The following GREM2 variants were observed in gnomAD, a reference collection of about 807,000 sequenced individuals.
GREM2 encodes the protein gremlin 2, DAN family BMP antagonist.
GREM2 carries 11 observed loss-of-function variants against 14.2 expected under a neutral mutation model. That is an observed-to-expected ratio of 0.78 (90% CI 0.49 to 1.28). The LOEUF is 1.28. Among genes scored for constraint, GREM2 ranks in the 50% most tolerant of loss-of-function variants. The pLI is 0.00. For synonymous variants in GREM2, 98 were observed against 97.6 expected (o/e 1.00, Z -0.02); for missense variants, 210 against 218.5 (o/e 0.96, Z 0.24).
intron 1 of GREM2, among the ~76,000 whole-genome samples, chr1:240,552,455 C>G (rs1446424517): frequency 6.6e-6 from 1 of 152,060 alleles, no homozygotes; most frequent in African/African-American, 2.4e-5. Context: ...AATTAGCCAG[C>G]CATGGTGGTA....
At chr1:240,608,452 G>A (rs527496576) in intron 1 of GREM2, among the ~76,000 whole-genome samples, 4 of 152,254 alleles carry the variant, frequency 2.6e-5, no homozygotes, top group African/African-American at 4.8e-5. Context: ...ATTATCCAGG[G>A]TTCGTGTTAT....
intron 1 of GREM2, among the ~76,000 whole-genome samples, chr1:240,561,672 G>C (rs1461143253): frequency 6.8e-6 from 1 of 147,352 alleles, no homozygotes; most frequent in African/African-American, 2.5e-5. Flanking sequence ...TTTGTCATTA[G>C]TCACACAAAA....
Position 240,506,755 on chromosome 1 carries a change from A to G in GREM2, c.-1-13279T>C, listed in dbSNP as rs371325748. Among the ~76,000 whole-genome samples the G allele has an allele frequency of 1.4e-4, 22 of 152,354 alleles. No individual in the cohort carries two copies. The East Asian group carries it at 4.2e-3, about 29-fold the overall frequency. ...CACCTTCCTAAGGTTTGAGATACAA[A>G]GAAGAATAAGACATTGACTTCCTCC... On this transcript the variant is annotated intron_variant, in intron 1 of 1. Transcript: ENST00000318160.
chr1:240,568,632 G>C (rs1022725451), intron 1 of GREM2, among the ~76,000 whole-genome samples: 1 of 152,068 alleles, frequency 6.6e-6, no homozygotes, highest in African/African-American at 2.4e-5. Context: ...ATGAAAAACA[G>C]TATACCATGC....
chr1:240,576,982 T>A (rs1679384347), intron 1 of GREM2, among the ~76,000 whole-genome samples: 1 of 152,232 alleles, frequency 6.6e-6, no homozygotes, highest in African/African-American at 2.4e-5. Context: ...AAGTGCTACA[T>A]GGTGTTTCTT....
chr1:240,534,164 A>G (rs1213037537), intron 1 of GREM2, among the ~76,000 whole-genome samples: 2 of 152,218 alleles, frequency 1.3e-5, no homozygotes, highest in African/African-American at 4.8e-5. Context: ...ATGATGGACA[A>G]TTCAGGAAGA....
intron 1 of GREM2, among the ~76,000 whole-genome samples, chr1:240,597,286 G>A (rs1457465145): frequency 2.0e-5 from 3 of 152,240 alleles, no homozygotes; most frequent in Non-Finnish European, 4.4e-5. Flanking sequence ...AAGCAAATCA[G>A]CGGGGTATTT....
chr1:240,524,566 T>C (rs1678180732), intron 1 of GREM2, among the ~76,000 whole-genome samples: 1 of 152,212 alleles, frequency 6.6e-6, no homozygotes, highest in Non-Finnish European at 1.5e-5. Flanking sequence ...TAAGGTTGGG[T>C]TAATTGCTCA....
intron 1 of GREM2, among the ~76,000 whole-genome samples, chr1:240,510,117 C>T (rs151310382): frequency 0.023 from 3,451 of 152,204 alleles, 133 homozygotes; most frequent in African/African-American, 0.079. Flanking sequence ...CGCCTGTAAT[C>T]CCAGCACTTT....
chr1:240,505,921 A>G (rs1386871021), intron 1 of GREM2, among the ~76,000 whole-genome samples: 1 of 152,122 alleles, frequency 6.6e-6, no homozygotes, highest in African/African-American at 2.4e-5. Context: ...TAGTGGGTAT[A>G]AAATAGCAAT....
At chr1:240,603,593 A>G (rs1440315624) in intron 1 of GREM2, among the ~76,000 whole-genome samples, 1 of 151,766 alleles carries the variant, frequency 6.6e-6, no homozygotes, top group Non-Finnish European at 1.5e-5. Flanking sequence ...AAGGTGTTAG[A>G]AAGGTTGACA....
Position 240,542,807 on chromosome 1 carries a change from A to G in GREM2, c.-1-49331T>C, listed in dbSNP as rs10495471. 0.12 allele frequency among the ~76,000 whole-genome samples: 17,950 copies of G among 152,124 alleles called. 1,286 individuals carry two copies. Among genetic ancestry groups the G allele is most frequent in the East Asian group, 0.28 (1,441 of 5,150 alleles). On this transcript the variant is annotated intron_variant, in intron 1 of 1. Transcript: ENST00000318160. This position sits in a 1 kb window ranked among gnomAD's most constrained non-coding sequence, Gnocchi z 4.1. ...CTTTGCTATGCTTCTGATTTGAGAC[A>G]AAGATACTGTAATGTTTTGTGCTTG...
rs773200127 is a variant in GREM2 at position 240,543,000 on chromosome 1, G to A, written c.-1-49524C>T. Reference sequence around the variant, plus strand: ...TTGTGAAGCCTCTTACTTTCCTTCCGACCCATTGTCAAGATCCCACTAAAA... The same window carrying A: ...TTGTGAAGCCTCTTACTTTCCTTCCAACCCATTGTCAAGATCCCACTAAAA... On this transcript the variant is annotated intron_variant, in intron 1 of 1. Coordinates refer to ENST00000318160, the MANE Select transcript of GREM2 (RefSeq NM_022469.4). This position sits in a 1 kb window ranked among gnomAD's most constrained non-coding sequence, Gnocchi z 4.1. Among the ~76,000 whole-genome samples, 15 of 152,012 alleles carry A rather than the reference G, an allele frequency of 9.9e-5. No homozygotes were observed. Among genetic ancestry groups the A allele is most frequent in the Non-Finnish European group, 1.9e-4 (13 of 68,012 alleles).
At chr1:240,577,733 A>G (rs2103372993) in intron 1 of GREM2, among the ~76,000 whole-genome samples, 1 of 152,352 alleles carries the variant, frequency 6.6e-6, no homozygotes, top group East Asian at 1.9e-4. Flanking sequence ...TTACAGTATT[A>G]GCGATTTTTA....
intron 1 of GREM2, among the ~76,000 whole-genome samples, chr1:240,598,450 G>A (rs1213460373): frequency 1.3e-5 from 2 of 152,156 alleles, no homozygotes; most frequent in Non-Finnish European, 2.9e-5. Context: ...AAACATGTGG[G>A]TACATATCAC....
At chr1:240,500,291 G>A (rs574732542) in intron 1 of GREM2, among the ~76,000 whole-genome samples, 1 of 148,436 alleles carries the variant, frequency 6.7e-6, no homozygotes, top group East Asian at 2.0e-4. Flanking sequence ...ATGTTTGTGT[G>A]TGTGGATAAT....
At chr1:240,554,764 C>T (rs1389991953) in intron 1 of GREM2, among the ~76,000 whole-genome samples, 1 of 152,104 alleles carries the variant, frequency 6.6e-6, no homozygotes, top group Admixed American at 6.5e-5. Context: ...ACATGTTTTC[C>T]TTCTTTGGAA....
chr1:240,495,704 T>A (rs1413990632), intron 1 of GREM2, among the ~76,000 whole-genome samples: 1 of 152,196 alleles, frequency 6.6e-6, no homozygotes, highest in Non-Finnish European at 1.5e-5. Flanking sequence ...GAATCTGAGC[T>A]CTGGGTGAGT....
In GREM2 at chr1:240,492,432, G is replaced by T. The variant is rs1290582278; in HGVS notation, c.*537C>A. On this transcript the variant is annotated 3_prime_UTR_variant, in exon 2 of 2. Transcript: ENST00000318160. ...GTCCACCGACATATTTATGGAGGTT[G>T]CACATATCCTCATCACAGCAGCGAC... The T allele has an allele frequency of 4.1e-6, 1 of 243,150 alleles. No individual in the cohort carries two copies. The highest frequency in any genetic ancestry group is 8.7e-6 in the Non-Finnish European group (1 of 114,570). The allele number at this position is 243,150 out of a possible 1,614,324, so 15.1% of individuals were successfully genotyped here.
Sources: gnomAD v4.1 joint callset for allele counts (sites outside exome capture counted in the v4.1 genomes callset) on GRCh38, gnomAD v4.1.1 for gene constraint, Gnocchi (gnomAD v3.1) non-coding constraint, MANE v1.5 for transcripts, NCBI Gene and HGNC (gene_info 2026-07-23, HGNC 2026-07-21) for gene names.